Variants in EBF1 observed in about 807,000 individuals in gnomAD.
The protein encoded by EBF1 is EBF transcription factor 1, also known as transcription factor COE1.
EBF1 carries 10 observed loss-of-function variants against 68.4 expected under a neutral mutation model. The observed-to-expected ratio is 0.15, with a 90% CI of 0.09 to 0.25. The LOEUF (loss-of-function observed/expected upper bound fraction) is 0.25. Among genes scored for constraint, EBF1 ranks in the 10% least tolerant of loss-of-function variants. The pLI, the probability that EBF1 is intolerant of heterozygous loss-of-function variation, is 1.00. For missense variants in EBF1, 509 were observed against 794.4 expected, an observed-to-expected ratio of 0.64 and a Z score of 4.32; for synonymous variants, 298 against 299.8, an observed-to-expected ratio of 0.99 and a Z score of 0.06.
At chr5:158,888,828 T>A (rs1050982211) in intron 6 of EBF1, among the ~76,000 whole-genome samples, 10 of 152,236 alleles carry the variant, frequency 6.6e-5, no homozygotes, top group African/African-American at 2.4e-4. Flanking sequence ...TCTATTAACC[T>A]AGGGTTCTCT....
At chr5:159,026,791 C>T (rs890478857) in intron 6 of EBF1, among the ~76,000 whole-genome samples, 1 of 152,058 alleles carries the variant, frequency 6.6e-6, no homozygotes, top group African/African-American at 2.4e-5. Context: ...AAGCAGAGGA[C>T]CAATGTCGCT....
intron 10 of EBF1, among the ~76,000 whole-genome samples, chr5:158,747,849 TATC>T (rs1767937874): frequency 6.6e-6 from 1 of 152,192 alleles, no homozygotes; most frequent in African/African-American, 2.4e-5. Flanking sequence ...TCTGTACTGT[TATC>T]ATCACCATTT....
chr5:159,034,917 T>G (rs932943594), intron 6 of EBF1, among the ~76,000 whole-genome samples: 4 of 152,246 alleles, frequency 2.6e-5, no homozygotes, highest in Admixed American at 2.6e-4. Context: ...ATTTTTCCCC[T>G]CATGTTGAGA....
intron 6 of EBF1, among the ~76,000 whole-genome samples, chr5:158,895,812 C>T (rs1193236126): frequency 6.6e-6 from 1 of 152,226 alleles, no homozygotes; most frequent in Non-Finnish European, 1.5e-5. Context: ...TTCCAACCAG[C>T]TGCTGAAATG....
chr5:158,872,054 C>A (rs1796964353), intron 6 of EBF1, among the ~76,000 whole-genome samples: 1 of 152,188 alleles, frequency 6.6e-6, no homozygotes, highest in African/African-American at 2.4e-5. Context: ...ACATACTTCA[C>A]AACCTAATTC....
At chr5:158,912,383 C>T (rs1423485817) in intron 6 of EBF1, among the ~76,000 whole-genome samples, 3 of 152,190 alleles carry the variant, frequency 2.0e-5, no homozygotes, top group African/African-American at 7.2e-5. Flanking sequence ...TCTTGAACTA[C>T]TTTCTAATTA....
Position 158,938,823 on chromosome 5 carries a change from C to A in EBF1, c.555-98713G>T, listed in dbSNP as rs560930128. 3.9e-5 allele frequency among the ~76,000 whole-genome samples: 6 copies of A among 152,318 alleles called. No individual in the cohort carries two copies. In the South Asian group the frequency reaches 8.3e-4, roughly 21 times the overall value. On this transcript the variant is annotated intron_variant, in intron 6 of 15. Transcript: ENST00000313708. ...AATAATATCACATCGGGGGTTGGAG[C>A]TTTGAAATAATGAATATTGGAAAGA...
chr5:158,968,507 T>C (rs531245991), intron 6 of EBF1, among the ~76,000 whole-genome samples: 2 of 152,322 alleles, frequency 1.3e-5, no homozygotes, highest in South Asian at 2.1e-4. Flanking sequence ...CTCTTGTTTT[T>C]CTGTCACATA....
At position 158,796,458 on chromosome 5, in the gene EBF1, C is replaced by T; in HGVS notation, c.796G>A (p.Ala266Thr). 1 of 1,612,952 alleles carries T rather than the reference C, an allele frequency of 6.2e-7. No individual in the cohort carries two copies. Among genetic ancestry groups the T allele is most frequent in the Non-Finnish European group, 8.5e-7 (1 of 1,179,328 alleles). Residue 266 changes from alanine to threonine, a missense_variant, in exon 9 of 16, where the codon GCC becomes ACC. Physicochemically the swap from Ala to Thr is moderately conservative, Grantham distance 58. This residue lies in a region of EBF1 where 230 missense variants were observed against 467.7 expected (regional missense o/e 0.49). Transcript: ENST00000313708. The stretch of plus-strand genomic sequence containing the variant: ...GTCCATCCTTCACTCGGGCTGATGG[C>T]TTTGATACAGGGAGTAGCTGCTTTT... ...YLEHATPCIK[A>T]ISPSEGWTTG...
At chr5:158,927,068 A>C (rs1242282562) in intron 6 of EBF1, among the ~76,000 whole-genome samples, 1 of 152,196 alleles carries the variant, frequency 6.6e-6, no homozygotes, top group Non-Finnish European at 1.5e-5. Flanking sequence ...CCATCTATGC[A>C]ATGTGGATCT....
chr5:158,970,119 C>T (rs1329066032), intron 6 of EBF1, among the ~76,000 whole-genome samples: 1 of 152,116 alleles, frequency 6.6e-6, no homozygotes, highest in Non-Finnish European at 1.5e-5. Flanking sequence ...GGTCAAGTTC[C>T]ACTAATGAAT....
chr5:158,703,620 A>C lies in EBF1; in HGVS notation c.1744+4359T>G, dbSNP rs993543447. Among the ~76,000 whole-genome samples the C allele has an allele frequency of 8.6e-5, 12 of 140,206 alleles. No homozygotes were observed. In the East Asian group the frequency reaches 2.2e-3, roughly 26 times the overall value. 92.0% of individuals were successfully genotyped at this position (140,206 alleles called of 152,430 possible). On this transcript the variant is annotated intron_variant, in intron 15 of 15. Coordinates refer to ENST00000313708, the MANE Select transcript of EBF1 (RefSeq NM_024007.5). ...GCTTTTTCAAAAAAAAAAAAAAAAA[A>C]CCCTCAGATATATGGTAACTTTTCA...
intron 8 of EBF1, among the ~76,000 whole-genome samples, chr5:158,814,703 G>A (rs961020631): frequency 6.6e-6 from 1 of 152,030 alleles, no homozygotes; most frequent in African/African-American, 2.4e-5. Context: ...CCTTGTACAC[G>A]TGCCAGAGAG....
At chr5:159,085,142 A>G (rs1244496548) in intron 4 of EBF1, among the ~76,000 whole-genome samples, 1 of 152,226 alleles carries the variant, frequency 6.6e-6, no homozygotes, top group African/African-American at 2.4e-5. Context: ...TTGCCTCCTC[A>G]CTTTACTACT....
intron 6 of EBF1, among the ~76,000 whole-genome samples, chr5:158,902,850 G>A (rs548755699): frequency 6.6e-6 from 1 of 152,210 alleles, no homozygotes; most frequent in East Asian, 1.9e-4. Context: ...TTCTAACTGG[G>A]GGTGTCCAAT....
intron 6 of EBF1, among the ~76,000 whole-genome samples, chr5:158,887,510 T>A (rs1800294989): frequency 6.6e-6 from 1 of 152,218 alleles, no homozygotes; most frequent in African/African-American, 2.4e-5. Flanking sequence ...CTCTGAGATG[T>A]CCTGTTTCTC....
chr5:158,809,525 G>C (rs1215478917), intron 8 of EBF1, among the ~76,000 whole-genome samples: 2 of 152,124 alleles, frequency 1.3e-5, no homozygotes, highest in East Asian at 3.9e-4. Flanking sequence ...TAACTTTACA[G>C]AATATTACTA....
intron 8 of EBF1, among the ~76,000 whole-genome samples, chr5:158,822,661 C>T (rs1785117843): frequency 1.3e-5 from 2 of 152,282 alleles, no homozygotes; most frequent in South Asian, 2.1e-4. Flanking sequence ...TCAGAAAGCA[C>T]CTCCAACCTC....
chr5:158,842,601 T>C (rs944133066), intron 6 of EBF1, among the ~76,000 whole-genome samples: 3 of 152,198 alleles, frequency 2.0e-5, no homozygotes, highest in African/African-American at 7.2e-5. Context: ...TCCTTATCTA[T>C]AAACTGGTGC....
Sources: allele counts gnomAD v4.1 joint callset (sites outside exome capture counted in the v4.1 genomes callset), GRCh38; gene constraint gnomAD v4.1.1; regional missense constraint gnomAD v4.1.1; transcripts MANE v1.5; gene names NCBI Gene and HGNC (gene_info 2026-07-23, HGNC 2026-07-21).